The following IKZF2 variants were observed in gnomAD, a reference collection of about 807,000 sequenced individuals.
IKZF2 encodes the protein zinc finger protein Helios.
IKZF2 carries 15 observed loss-of-function variants against 49.2 expected under a neutral mutation model. That is an observed-to-expected ratio of 0.30 (90% CI 0.20 to 0.47). The LOEUF (loss-of-function observed/expected upper bound fraction) is 0.47, where lower values mean the gene tolerates loss of function less well. IKZF2 is among the 20% of genes least tolerant of loss of function. The probability of loss-of-function intolerance (pLI) is 1.00; values close to 1 mark genes in which losing one functional copy is unlikely to be tolerated. For synonymous variants in IKZF2, 227 were observed against 221.4 expected (o/e 1.03, Z -0.23); for missense variants, 567 against 664.6 (o/e 0.85, Z 1.61).
chr2:213,043,204 A>C (rs1410333340), intron 6 of IKZF2, among the ~76,000 whole-genome samples: 1 of 151,698 alleles, frequency 6.6e-6, no homozygotes, highest in East Asian at 1.9e-4. Flanking sequence ...ACACACACAC[A>C]CACCCCTAGT....
chr2:213,025,622 T>G (rs576882496), intron 6 of IKZF2, among the ~76,000 whole-genome samples: 1 of 152,248 alleles, frequency 6.6e-6, no homozygotes, highest in South Asian at 2.1e-4. Context: ...GGAGACAATA[T>G]ATATTTGCTG....
chr2:213,057,029 C>G lies in IKZF2; in HGVS notation c.210G>C (p.Glu70Asp). 1 of 1,613,912 alleles carries G rather than the reference C, an allele frequency of 6.2e-7. No homozygotes were observed. The highest frequency in any genetic ancestry group is 8.5e-7 in the Non-Finnish European group (1 of 1,179,894). The change falls in exon 5 of 9, where the codon GAG (glutamate) becomes GAC (aspartate). Residue 70 changes from glutamate (E) to aspartate (D), a missense_variant. Physicochemically the swap from Glu to Asp is conservative, Grantham distance 45. This residue lies in a region of IKZF2 where 156 missense variants were observed against 138.5 expected (regional missense o/e 1.13). Transcript: ENST00000434687. Reference protein sequence around the residue: ...CDRKPLSREDEIRGHDEGSSL... With the variant: ...CDRKPLSREDDIRGHDEGSSL... ...TGCTACCCTCATCATGGCCCCTGAT[C>G]TCATCTTCACGGCTCAGGGGTTTCC...
intron 4 of IKZF2, among the ~76,000 whole-genome samples, chr2:213,090,885 G>C (rs73077263): frequency 1.3e-5 from 2 of 152,126 alleles, no homozygotes; most frequent in Non-Finnish European, 2.9e-5. Context: ...CAGACTTCCA[G>C]CCTCCAGAAC....
chr2:213,147,549 C>T (rs1460644240), intron 4 of IKZF2, 159 bp downstream of exon 4: 4 of 726,772 alleles, frequency 5.5e-6, no homozygotes, highest in African/African-American at 5.2e-5. Flanking sequence ...TTTTATAATA[C>T]TAGAATGAAC....
At chr2:213,107,241 C>T (rs950271761) in intron 4 of IKZF2, among the ~76,000 whole-genome samples, 1 of 152,192 alleles carries the variant, frequency 6.6e-6, no homozygotes, top group Admixed American at 6.5e-5. Context: ...CCTTTCTCAT[C>T]CCTTGCCCAT....
chr2:213,109,003 G>A (rs895224692), intron 4 of IKZF2, among the ~76,000 whole-genome samples: 1 of 151,306 alleles, frequency 6.6e-6, no homozygotes, highest in Non-Finnish European at 1.5e-5. Flanking sequence ...TCTTTTTAAT[G>A]TATGTATTTC....
intron 2 of IKZF2, 29 bp from the exon 3 acceptor site, chr2:213,148,673 A>G (rs760406934): frequency 6.3e-7 from 1 of 1,576,370 alleles, no homozygotes; most frequent in Non-Finnish European, 8.7e-7. Flanking sequence ...TACCCTTAAT[A>G]CAATGATTCC....
chr2:213,037,526 AC>A (rs761355800), intron 6 of IKZF2, among the ~76,000 whole-genome samples: 1 of 152,202 alleles, frequency 6.6e-6, no homozygotes, highest in Non-Finnish European at 1.5e-5. Flanking sequence ...GGGCTGTCTT[AC>A]AGCCGGCCTG....
At chr2:213,019,026 T>C (rs1479234281) in intron 7 of IKZF2, among the ~76,000 whole-genome samples, 2 of 152,166 alleles carry the variant, frequency 1.3e-5, no homozygotes, top group Non-Finnish European at 2.9e-5. Context: ...ATAAAGTAAG[T>C]GTATTAAAAG....
rs530744158 is a variant in IKZF2 at position 213,082,500 on chromosome 2, C to G, written c.140-25401G>C. 1.6e-4 allele frequency among the ~76,000 whole-genome samples: 24 copies of G among 152,230 alleles called. No individual in the cohort carries two copies. In the South Asian group the frequency reaches 4.8e-3, roughly 30 times the overall value. ...AAAAGGAAGAAAAGGTACATTTGCA[C>G]AAAAGAATCTGTGCTAATGTTAGCA... On this transcript the variant is annotated intron_variant, in intron 4 of 8. Transcript: ENST00000434687.
At chr2:213,068,581 G>T (rs1232082913) in intron 4 of IKZF2, among the ~76,000 whole-genome samples, 1 of 151,862 alleles carries the variant, frequency 6.6e-6, no homozygotes, top group Non-Finnish European at 1.5e-5. Flanking sequence ...ATAGTTATTG[G>T]TCACTATTAT....
rs184387425 is a variant in IKZF2 at position 213,113,357 on chromosome 2, A to G, written c.139+34351T>C. Among the ~76,000 whole-genome samples the G allele has an allele frequency of 5.3e-5, 8 of 152,302 alleles. No individual in the cohort carries two copies. The East Asian group carries it at 1.3e-3, about 26-fold the overall frequency. ...CTTTACAGTATTTAGGAGTTTAAAC[A>G]TCTTAAAATCAGCCTGGAGGAAAGA... On this transcript the variant is annotated intron_variant, in intron 4 of 8. Transcript: ENST00000434687.
chr2:213,001,471 G>C lies in IKZF2; in HGVS notation c.*5889C>G, dbSNP rs1694898670. Reference sequence around the variant, plus strand: ...AGGATTACATAATCTCTGAAGTAATGTTTTAGGTACCCAATATTTGAAAGT... The same window carrying C: ...AGGATTACATAATCTCTGAAGTAATCTTTTAGGTACCCAATATTTGAAAGT... On this transcript the variant is annotated 3_prime_UTR_variant, in exon 9 of 9. Coordinates refer to ENST00000434687, the MANE Select transcript of IKZF2 (RefSeq NM_001387220.1). 1 of 151,622 alleles carries C rather than the reference G, an allele frequency of 6.6e-6. No individual in the cohort carries two copies. The highest frequency in any genetic ancestry group is 2.1e-4 in the South Asian group (1 of 4,828). 9.4% of individuals were successfully genotyped at this position (151,622 alleles called of 1,614,324 possible).
intron 4 of IKZF2, among the ~76,000 whole-genome samples, chr2:213,064,862 C>T (rs1008380239): frequency 6.6e-6 from 1 of 152,032 alleles, no homozygotes; most frequent in East Asian, 1.9e-4. Flanking sequence ...ACACTCTTCT[C>T]CCCCAATTCA....
rs1411974563 is a variant in IKZF2 at position 213,057,061 on chromosome 2, A to G, written c.178T>C (p.Cys60Arg). ...TCACGGCTCAGGGGTTTCCTGTCAC[A>G]CTCTTCATCACTCTGCATTTCTAGC... ...VKLEMQSDEECDRKPLSREDE... is the reference protein window; with the variant it reads ...VKLEMQSDEERDRKPLSREDE... Residue 60 changes from cysteine to arginine, a missense_variant, in exon 5 of 9, where the codon TGT (cysteine) becomes CGT (arginine). This residue lies in a region of IKZF2 where 156 missense variants were observed against 138.5 expected (regional missense o/e 1.13). Transcript: ENST00000434687. The G allele has an allele frequency of 1.9e-6, 3 of 1,613,016 alleles. No homozygotes were observed. Among genetic ancestry groups the G allele is most frequent in the Non-Finnish European group, 2.5e-6 (3 of 1,179,684 alleles).
intron 4 of IKZF2, chr2:213,081,036 A>G (rs1703893087): frequency 6.5e-6 from 1 of 154,528 alleles, no homozygotes. Context: ...TAGAGTTTCT[A>G]TTTATATGTC....
At chr2:213,093,056 A>G (rs1236379132) in intron 4 of IKZF2, among the ~76,000 whole-genome samples, 1 of 152,146 alleles carries the variant, frequency 6.6e-6, no homozygotes, top group African/African-American at 2.4e-5. Context: ...CCTGCTCTAT[A>G]TTTGCTAAAC....
At chr2:213,138,802 C>T (rs535276368) in intron 4 of IKZF2, among the ~76,000 whole-genome samples, 147 of 152,116 alleles carry the variant, frequency 9.7e-4, no homozygotes, top group Non-Finnish European at 1.4e-3. Flanking sequence ...TCATTTGATG[C>T]GGTCAGATCA....
intron 4 of IKZF2, among the ~76,000 whole-genome samples, chr2:213,113,674 G>T (rs1004686007): frequency 6.6e-6 from 1 of 152,072 alleles, no homozygotes; most frequent in Non-Finnish European, 1.5e-5. Context: ...TTGTTGCTTG[G>T]TTTTTTTCCC....
Sources: gnomAD v4.1 joint callset for allele counts (sites outside exome capture counted in the v4.1 genomes callset) on GRCh38, gnomAD v4.1.1 for gene constraint, gnomAD v4.1.1 regional missense constraint, MANE v1.5 for transcripts, NCBI Gene and HGNC (gene_info 2026-07-23, HGNC 2026-07-21) for gene names.